PTK2B: variants seen among roughly 807,000 people sequenced by gnomAD.
The protein encoded by PTK2B is protein-tyrosine kinase 2-beta.
In PTK2B, 71 loss-of-function variants were observed where a neutral mutation model predicts 142.9. The ratio of observed to expected loss-of-function variants is 0.50; its 90% CI spans 0.41 to 0.61. The LOEUF (loss-of-function observed/expected upper bound fraction) is 0.61, where lower values mean the gene tolerates loss of function less well. Among genes scored for constraint, PTK2B ranks in the 20% least tolerant of loss-of-function variants. PTK2B has a pLI of 0.00. For synonymous variants in PTK2B, 519 were observed against 503.4 expected (o/e 1.03, Z -0.42); for missense variants, 1,105 against 1,320.4 (o/e 0.84, Z 2.53).
chr8:27,378,927 T>A (rs1374048947), intron 1 of PTK2B, among the ~76,000 whole-genome samples: 2 of 152,006 alleles, frequency 1.3e-5, no homozygotes, highest in Non-Finnish European at 2.9e-5. Context: ...GAAACCTCAA[T>A]GAACAAAGAG....
At chr8:27,328,034 C>G (rs1586083849) in intron 1 of PTK2B, among the ~76,000 whole-genome samples, 1 of 152,168 alleles carries the variant, frequency 6.6e-6, no homozygotes, top group East Asian at 1.9e-4. Flanking sequence ...GTTCATGCTT[C>G]CAGTGAGAAC....
intron 5 of PTK2B, among the ~76,000 whole-genome samples, chr8:27,424,198 T>C (rs1809933518): frequency 6.6e-6 from 1 of 152,148 alleles, no homozygotes; most frequent in African/African-American, 2.4e-5. Flanking sequence ...CTATCACTTG[T>C]CACCTGTCAA....
chr8:27,425,547 C>G (rs903632856), intron 5 of PTK2B, among the ~76,000 whole-genome samples: 2 of 152,138 alleles, frequency 1.3e-5, no homozygotes, highest in African/African-American at 4.8e-5. Context: ...CAGCCTCCCC[C>G]ACTATCAACA....
upstream of PTK2B, chr8:27,311,397 GGGGA>G: frequency 1.1e-6 from 1 of 940,534 alleles, no homozygotes; most frequent in Non-Finnish European, 1.5e-6. Flanking sequence ...GGATGGCGAG[GGGGA>G]GGGAGGGGGC....
At chr8:27,440,067 C>T (rs1563291775) in intron 20 of PTK2B, among the ~76,000 whole-genome samples, 170 bp from the exon 21 acceptor site, 1 of 152,174 alleles carries the variant, frequency 6.6e-6, no homozygotes, top group Non-Finnish European at 1.5e-5. Flanking sequence ...AGGTAGGTCA[C>T]TTGTCCCTCG....
At chr8:27,418,625 G>T (rs1049730563) in intron 2 of PTK2B, among the ~76,000 whole-genome samples, 1 of 152,212 alleles carries the variant, frequency 6.6e-6, no homozygotes, top group African/African-American at 2.4e-5. Context: ...ACAGAGATAC[G>T]TCGGTGCCTT....
intron 1 of PTK2B, 69 bp downstream of exon 1, chr8:27,325,750 AGGGGTT>A (rs1007225853): frequency 3.3e-5 from 5 of 152,350 alleles, no homozygotes; most frequent in African/African-American, 1.2e-4. Flanking sequence ...ACCGGGTGGC[AGGGGTT>A]GGGGACAATT....
At chr8:27,341,104 G>A (rs1289222725) in intron 1 of PTK2B, among the ~76,000 whole-genome samples, 1 of 152,194 alleles carries the variant, frequency 6.6e-6, no homozygotes, top group African/African-American at 2.4e-5. Context: ...GGATGTTCAG[G>A]AGTAGAAGGC....
intron 1 of PTK2B, among the ~76,000 whole-genome samples, chr8:27,373,119 C>T (rs969249718): frequency 2.6e-4 from 40 of 152,114 alleles, no homozygotes; most frequent in Middle Eastern, 3.2e-3. Flanking sequence ...TTCACTCATG[C>T]AAGTTACCAC....
Position 27,385,892 on chromosome 8 carries a change from C to CAAAA in PTK2B, c.-37-11640_-37-11637dup, listed in dbSNP as rs71553856. Reference sequence around the variant, plus strand: ...TGGGTGACAAAGTGAGATTCCGTCTCAAAAAAAAAAAAAAAAAAAGACAGT... The same window carrying CAAAA: ...TGGGTGACAAAGTGAGATTCCGTCTCAAAAAAAAAAAAAAAAAAAAAAAGACAGT... On this transcript the variant is annotated intron_variant, in intron 1 of 30. Coordinates refer to ENST00000346049, the MANE Select transcript of PTK2B (RefSeq NM_173176.3). 4.5e-5 allele frequency among the ~76,000 whole-genome samples: 5 copies of CAAAA among 109,978 alleles called. 1 individual carries two copies. Among genetic ancestry groups the CAAAA allele is most frequent in the South Asian group, 3.3e-4 (1 of 3,044 alleles). 72.1% of individuals were successfully genotyped at this position (109,978 alleles called of 152,430 possible).
At chr8:27,433,336 A>G (rs773944517) in intron 10 of PTK2B, 99 bp from the exon 11 acceptor site, 1 of 1,016,654 alleles carries the variant, frequency 9.8e-7, no homozygotes, top group Admixed American at 2.0e-5. Flanking sequence ...CATCCAGGCA[A>G]GGGTTGTGGC....
intron 21 of PTK2B, 80 bp downstream of exon 21, chr8:27,440,521 C>A: frequency 6.7e-7 from 1 of 1,484,000 alleles, no homozygotes; most frequent in Non-Finnish European, 9.3e-7. Flanking sequence ...GAGAGGTTTG[C>A]ACCACATCTC....
At chr8:27,382,550 G>A (rs1807090299) in intron 1 of PTK2B, among the ~76,000 whole-genome samples, 1 of 151,392 alleles carries the variant, frequency 6.6e-6, no homozygotes, top group African/African-American at 2.4e-5. Context: ...GTGAGATGCT[G>A]TCTCTGTTTT....
Position 27,436,189 on chromosome 8 carries a change from C to T in PTK2B, c.1244-62C>T. On this transcript the variant is annotated intron_variant, in intron 14 of 30. Coordinates refer to ENST00000346049, the MANE Select transcript of PTK2B (RefSeq NM_173176.3). ...CCTGGCTTTAGAGCCTGCAGACACT[C>T]AGGTTCCCTAGGGGATACCACCGAT... The T allele has an allele frequency of 2.0e-6, 3 of 1,524,748 alleles. No individual in the cohort carries two copies. In the South Asian group the frequency reaches 3.4e-5, roughly 17 times the overall value. The allele number at this position is 1,524,748 out of a possible 1,614,324, so 94.5% of individuals were successfully genotyped here. A position where few individuals can be genotyped will look rare whatever the true frequency, so the allele number is the denominator to read the frequency against.
intron 27 of PTK2B, chr8:27,451,905 G>A (rs1024100641): frequency 7.6e-6 from 3 of 392,292 alleles, no homozygotes; most frequent in Non-Finnish European, 1.1e-5. Flanking sequence ...AGGGACAGAG[G>A]AGAGAAAGTG....
At chr8:27,454,129 C>T (rs752600115) in intron 28 of PTK2B, 25 bp from the exon 29 acceptor site, 1 of 1,613,788 alleles carries the variant, frequency 6.2e-7, no homozygotes, top group East Asian at 2.2e-5. Context: ...CCCCAACTCA[C>T]TGGCCACCTG....
At chr8:27,311,285 C>A (rs1006301693), upstream of PTK2B, 63 of 1,449,996 alleles carry the variant, frequency 4.3e-5, no homozygotes, top group African/African-American at 8.6e-4. Context: ...CGGCCCCTCC[C>A]ACCCGCCCGG....
chr8:27,316,879 GTC>G (rs1468709723), intron 3 of PTK2B, among the ~76,000 whole-genome samples: 1 of 152,124 alleles, frequency 6.6e-6, no homozygotes, highest in Non-Finnish European at 1.5e-5. Flanking sequence ...ACTTTTTTCT[GTC>G]TGTATCATTT....
chr8:27,360,942 A>G (rs1586159204), intron 1 of PTK2B, among the ~76,000 whole-genome samples: 1 of 152,162 alleles, frequency 6.6e-6, no homozygotes, highest in Non-Finnish European at 1.5e-5. Context: ...GGGTCCCAGG[A>G]AAGAAAGAAA....
Sources: gnomAD v4.1 joint callset for allele counts (sites outside exome capture counted in the v4.1 genomes callset) on GRCh38, gnomAD v4.1.1 for gene constraint, MANE v1.5 for transcripts, NCBI Gene and HGNC (gene_info 2026-07-23, HGNC 2026-07-21) for gene names.